NRXN3: variants seen among roughly 807,000 people sequenced by gnomAD.
NRXN3 encodes the protein neurexin III.
Under a neutral mutation model 137.6 loss-of-function variants are expected in NRXN3, and 32 were observed. The ratio of observed to expected loss-of-function variants is 0.23; its 90% CI spans 0.18 to 0.31. NRXN3 has a LOEUF of 0.31. Ranked by LOEUF, NRXN3 falls within the 10% of genes least tolerant of loss-of-function variation. The pLI is 1.00. For missense variants in NRXN3, 1,574 were observed against 2,062.5 expected, an observed-to-expected ratio of 0.76 and a Z score of 4.59; for synonymous variants, 798 against 784.5, an observed-to-expected ratio of 1.02 and a Z score of -0.29.
intron 4 of NRXN3, among the ~76,000 whole-genome samples, chr14:78,518,771 A>G (rs2096247281): frequency 6.6e-6 from 1 of 152,132 alleles, no homozygotes; most frequent in African/African-American, 2.4e-5. Flanking sequence ...AGATGGATAC[A>G]TCCTGAGGCA....
At chr14:78,545,322 A>G (rs2096627315) in intron 4 of NRXN3, among the ~76,000 whole-genome samples, 2 of 152,220 alleles carry the variant, frequency 1.3e-5, no homozygotes, top group Non-Finnish European at 1.5e-5. Flanking sequence ...TACTTTAAAC[A>G]CACACACAAA....
rs11419735 is a variant in NRXN3, at chr14:79,590,416, TAA to T, written c.3445-73341_3445-73340del. Reference sequence around the variant, plus strand: ...TCCATTAAACCTTTCTTTCTTTTGTTAAAAAAAAAAAAAAAAAAAAAAGATTA... The same window carrying T: ...TCCATTAAACCTTTCTTTCTTTTGTTAAAAAAAAAAAAAAAAAAAAGATTA... On this transcript the variant is annotated intron_variant, in intron 16 of 20. Coordinates refer to ENST00000335750, the MANE Select transcript of NRXN3 (RefSeq NM_001330195.2). 2.0e-3 allele frequency among the ~76,000 whole-genome samples: 189 copies of T among 92,262 alleles called. 3 individuals carry two copies. The highest frequency in any genetic ancestry group is 2.4e-3 in the Non-Finnish European group (130 of 53,440). The allele number at this position is 92,262 out of a possible 152,430, so 60.5% of individuals were successfully genotyped here.
intron 15 of NRXN3, among the ~76,000 whole-genome samples, chr14:79,291,813 A>G (rs1325717315): frequency 2.0e-5 from 3 of 151,928 alleles, no homozygotes; most frequent in African/African-American, 4.8e-5. Context: ...TCAAAGTGGT[A>G]TTCTTAAATG....
At chr14:79,308,894 T>A (rs1276568932) in intron 15 of NRXN3, among the ~76,000 whole-genome samples, 3 of 146,106 alleles carry the variant, frequency 2.1e-5, no homozygotes, top group South Asian at 2.1e-4. Flanking sequence ...TATTTTATTT[T>A]TTTTTATTTT....
chr14:79,665,269 C>T (rs2153988290), intron 17 of NRXN3, among the ~76,000 whole-genome samples: 1 of 152,232 alleles, frequency 6.6e-6, no homozygotes. Context: ...AAAAGCTCCA[C>T]CCACTATTGA....
chr14:79,743,248 C>G (rs1412413970), intron 19 of NRXN3, among the ~76,000 whole-genome samples: 1 of 152,152 alleles, frequency 6.6e-6, no homozygotes, highest in East Asian at 1.9e-4. Context: ...CTGGCTCTGC[C>G]AGTGACATAG....
At chr14:79,817,368 C>T (rs1010336204) in intron 20 of NRXN3, among the ~76,000 whole-genome samples, 3 of 152,100 alleles carry the variant, frequency 2.0e-5, no homozygotes, top group Admixed American at 6.5e-5. Flanking sequence ...ATATAGTAAA[C>T]TTTCGATGGC....
At chr14:78,530,646 G>C (rs2096448306) in intron 4 of NRXN3, among the ~76,000 whole-genome samples, 1 of 152,112 alleles carries the variant, frequency 6.6e-6, no homozygotes, top group Non-Finnish European at 1.5e-5. Flanking sequence ...ATGGAGCATT[G>C]GTTTTAGGAC....
intron 16 of NRXN3, among the ~76,000 whole-genome samples, chr14:79,538,927 A>G (rs1396996519): frequency 2.0e-5 from 3 of 152,190 alleles, no homozygotes; most frequent in African/African-American, 7.2e-5. Context: ...TTAACATGCA[A>G]TTATTCATTT....
In NRXN3 at chr14:79,864,535, G is replaced by C. The variant is rs1257903506; in HGVS notation, c.*2571G>C. On this transcript the variant is annotated 3_prime_UTR_variant, in exon 21 of 21. Transcript: ENST00000335750. ...AGAGCTAGACCACTTTCATGTGATA[G>C]AAGATATTCTAAGCAGTTACTAATT... 1 of 152,488 alleles carries C rather than the reference G, an allele frequency of 6.6e-6. No homozygotes were observed. Among genetic ancestry groups the C allele is most frequent in the African/African-American group, 2.4e-5 (1 of 41,426 alleles). The allele number at this position is 152,488 out of a possible 1,614,324, so 9.4% of individuals were successfully genotyped here.
At chr14:78,937,882 C>G (rs1371731824) in intron 10 of NRXN3, among the ~76,000 whole-genome samples, 2 of 152,226 alleles carry the variant, frequency 1.3e-5, no homozygotes, top group Non-Finnish European at 2.9e-5. Context: ...CAATGCTGGC[C>G]TTGCTTATTT....
intron 15 of NRXN3, among the ~76,000 whole-genome samples, chr14:79,434,156 A>G (rs2095806699): frequency 1.3e-5 from 2 of 152,206 alleles, no homozygotes; most frequent in Admixed American, 6.5e-5. Context: ...TGATAATCAC[A>G]AGAAGCAATA....
At chr14:79,388,134 G>A (rs993452859) in intron 15 of NRXN3, among the ~76,000 whole-genome samples, 53 of 151,822 alleles carry the variant, frequency 3.5e-4, no homozygotes, top group African/African-American at 1.2e-3. Context: ...TTTAAAAAGT[G>A]TGTGGCGTCT....
intron 4 of NRXN3, among the ~76,000 whole-genome samples, chr14:78,449,603 G>A (rs180895936): frequency 1.2e-4 from 19 of 152,286 alleles, no homozygotes; most frequent in Non-Finnish European, 2.2e-4. Flanking sequence ...GAGCGTTCAC[G>A]TTTATATCAC....
chr14:79,428,244 A>G (rs2095688048), intron 15 of NRXN3, among the ~76,000 whole-genome samples: 1 of 152,234 alleles, frequency 6.6e-6, no homozygotes, highest in Admixed American at 6.5e-5. Context: ...GGAGCCTGAC[A>G]GAAAATGTAA....
intron 2 of NRXN3, among the ~76,000 whole-genome samples, chr14:78,265,490 A>C (rs2071544929): frequency 6.6e-6 from 1 of 152,198 alleles, no homozygotes; most frequent in African/African-American, 2.4e-5. Context: ...ATCTCATTTG[A>C]GTATCAGCCC....
intron 16 of NRXN3, among the ~76,000 whole-genome samples, chr14:79,660,146 G>A (rs1361611929): frequency 6.6e-6 from 1 of 152,112 alleles, no homozygotes; most frequent in East Asian, 1.9e-4. Flanking sequence ...CTCTTTTCTA[G>A]ACACATGAGC....
At chr14:79,349,553 C>T (rs1036766095) in intron 15 of NRXN3, among the ~76,000 whole-genome samples, 7 of 67,390 alleles carry the variant, frequency 1.0e-4, no homozygotes, top group East Asian at 9.2e-4. Context: ...AATACACACA[C>T]ACACACACAC....
rs11626766 is a variant in NRXN3, at chr14:78,871,475, A to G, written c.2275+61131A>G. 2.3e-3 allele frequency among the ~76,000 whole-genome samples: 351 copies of G among 152,244 alleles called. 2 individuals are homozygous for G. Among genetic ancestry groups the G allele is most frequent in the Non-Finnish European group, 3.4e-3 (234 of 67,978 alleles). ...AAGTGAGTTTTTCTTATGTCCAGCT[A>G]GAATCCCCTTTGGGTTAATATAAGT... On this transcript the variant is annotated intron_variant, in intron 10 of 20. Coordinates refer to ENST00000335750, the MANE Select transcript of NRXN3 (RefSeq NM_001330195.2).
Sources: gnomAD v4.1 joint callset for allele counts (sites outside exome capture counted in the v4.1 genomes callset) on GRCh38, gnomAD v4.1.1 for gene constraint, MANE v1.5 for transcripts, NCBI Gene and HGNC (gene_info 2026-07-23, HGNC 2026-07-21) for gene names.